The following FAIM2 variants were observed in gnomAD, a reference collection of about 807,000 sequenced individuals.
FAIM2 encodes Fas apoptotic inhibitory molecule 2.
In FAIM2, 27 loss-of-function variants were observed where a neutral mutation model predicts 47.4. That is an observed-to-expected ratio of 0.57 (90% CI 0.42 to 0.78). FAIM2 has a LOEUF of 0.78. FAIM2 is among the 30% of genes least tolerant of loss of function. The probability of loss-of-function intolerance (pLI) is 0.00; values close to 1 mark genes in which losing one functional copy is unlikely to be tolerated. For missense variants in FAIM2, 311 were observed against 389.4 expected (o/e 0.80, Z 1.69); for synonymous variants, 156 against 159.3 (o/e 0.98, Z 0.16).
chr12:49,874,970 TAC>T lies in FAIM2; in HGVS notation c.802-4319_802-4318del, dbSNP rs1041100538. 1.3e-5 allele frequency among the ~76,000 whole-genome samples: 2 copies of T among 152,148 alleles called. No individual in the cohort carries two copies. Among genetic ancestry groups the T allele is most frequent in the Non-Finnish European group, 2.9e-5 (2 of 68,014 alleles). ...TATATCGTATGATCCCATAAAACTA[TAC>T]ACGTCAGAGGAGCGCACATAGCAAA... On this transcript the variant is annotated intron_variant, in intron 11 of 11. Transcript: ENST00000320634. The surrounding 1 kb of genome is among the most constrained non-coding windows in gnomAD (Gnocchi z 4.2).
intron 11 of FAIM2, among the ~76,000 whole-genome samples, chr12:49,883,446 C>T (rs1946840141): frequency 6.6e-6 from 1 of 151,732 alleles, no homozygotes; most frequent in African/African-American, 2.4e-5. Context: ...AGGCATTTGT[C>T]CTGAGTGACA....
At chr12:49,880,264 G>A (rs942576322) in intron 11 of FAIM2, among the ~76,000 whole-genome samples, 7 of 151,654 alleles carry the variant, frequency 4.6e-5, no homozygotes, top group East Asian at 3.9e-4. Flanking sequence ...GTATATGTGC[G>A]TATGTGTATA....
At chr12:49,901,089 C>T (rs1157137695) in intron 2 of FAIM2, 41 bp downstream of exon 2, 2 of 1,481,876 alleles carry the variant, frequency 1.3e-6, no homozygotes, top group African/African-American at 1.4e-5. Flanking sequence ...GGTCCACCCC[C>T]ACCCCATGAT....
intron 9 of FAIM2, 65 bp from the exon 10 acceptor site, chr12:49,889,267 C>G: frequency 4.8e-6 from 6 of 1,261,872 alleles, no homozygotes; most frequent in Non-Finnish European, 4.6e-6. Flanking sequence ...CAACTACAGG[C>G]TGAGCCCATA....
At chr12:49,870,782 A>T in intron 11 of FAIM2, 129 bp from the exon 12 acceptor site, 1 of 813,082 alleles carries the variant, frequency 1.2e-6, no homozygotes, top group Non-Finnish European at 1.9e-6. Context: ...CTGACTACCC[A>T]GTGGCCCTCC....
In FAIM2 at chr12:49,889,512, A is replaced by T; in HGVS notation, c.620T>A (p.Leu207His). Residue 207 changes from leucine (L) to histidine (H), a missense_variant, in exon 9 of 12, where the codon CTC becomes CAC. Coordinates refer to ENST00000320634, the MANE Select transcript of FAIM2 (RefSeq NM_012306.4). ...CTGGAAGCTGAAGACGGTGACTGAG[A>T]GGCAGACAAGGGCCGTGATGCCCAG... ...LCLGITALVC[L>H]SVTVFSFQTK... The T allele has an allele frequency of 6.2e-7, 1 of 1,614,040 alleles. No individual in the cohort carries two copies. Among genetic ancestry groups the T allele is most frequent in the Non-Finnish European group, 8.5e-7 (1 of 1,179,982 alleles).
chr12:49,874,759 C>T lies in FAIM2; in HGVS notation c.802-4106G>A, dbSNP rs1057464745. Among the ~76,000 whole-genome samples, 1 of 152,216 alleles carries T rather than the reference C, an allele frequency of 6.6e-6. No individual in the cohort carries two copies. Among genetic ancestry groups the T allele is most frequent in the Non-Finnish European group, 1.5e-5 (1 of 68,044 alleles). On this transcript the variant is annotated intron_variant, in intron 11 of 11. Transcript: ENST00000320634. The surrounding 1 kb of genome is among the most constrained non-coding windows in gnomAD (Gnocchi z 4.2). ...GACTGTGTCTGTCCTGCATAAATGC[C>T]AGTGTGAGGGCGTGTGGAGGCAACC...
intron 11 of FAIM2, among the ~76,000 whole-genome samples, chr12:49,876,935 T>C (rs1038472065): frequency 3.9e-5 from 6 of 152,062 alleles, no homozygotes; most frequent in African/African-American, 1.4e-4. Flanking sequence ...CACAGAGCAG[T>C]CAGGTCATTT....
intron 11 of FAIM2, among the ~76,000 whole-genome samples, chr12:49,875,486 C>A (rs1213446015): frequency 1.3e-5 from 2 of 151,974 alleles, no homozygotes; most frequent in African/African-American, 4.8e-5. Context: ...CCATTTCTTG[C>A]CTGATACCAA....
intron 11 of FAIM2, among the ~76,000 whole-genome samples, chr12:49,881,354 A>T (rs836959): frequency 6.6e-6 from 1 of 152,170 alleles, no homozygotes; most frequent in South Asian, 2.1e-4. Flanking sequence ...GGAAGTGAAG[A>T]GGTCTATTCC....
At chr12:49,877,908 G>A (rs1253224915) in intron 11 of FAIM2, among the ~76,000 whole-genome samples, 1 of 151,862 alleles carries the variant, frequency 6.6e-6, no homozygotes, top group African/African-American at 2.4e-5. Context: ...GTGTGTATAT[G>A]TGTCCATGTG....
At chr12:49,885,709 A>T (rs930699868) in intron 11 of FAIM2, among the ~76,000 whole-genome samples, 4 of 152,130 alleles carry the variant, frequency 2.6e-5, no homozygotes, top group Non-Finnish European at 5.9e-5. Flanking sequence ...GAAACCATGG[A>T]CAAATCATTC....
chr12:49,897,764 A>ACC (rs11378140), intron 3 of FAIM2, among the ~76,000 whole-genome samples, 181 bp from the exon 4 acceptor site: 1,969 of 149,944 alleles, frequency 0.013, 18 homozygotes, highest in South Asian at 0.021. Flanking sequence ...AGCCAAGCGC[A>ACC]CCCCCCCCCA....
chr12:49,896,928 G>T, intron 5 of FAIM2, 103 bp downstream of exon 5: 1 of 934,652 alleles, frequency 1.1e-6, no homozygotes, highest in Non-Finnish European at 1.8e-6. Flanking sequence ...TGTGGGGCTG[G>T]GGGAAGCTAC....
At chr12:49,872,794 G>A (rs529368300) in intron 11 of FAIM2, among the ~76,000 whole-genome samples, 8 of 152,264 alleles carry the variant, frequency 5.3e-5, no homozygotes, top group Non-Finnish European at 8.8e-5. Context: ...AATCTCTCTA[G>A]GCCTGTGAGT....
rs1946669801 is a variant in FAIM2, at chr12:49,867,272, T to G, written c.*3232A>C. 1 of 152,254 alleles carries G rather than the reference T, an allele frequency of 6.6e-6. No individual in the cohort carries two copies. Among genetic ancestry groups the G allele is most frequent in the Admixed American group, 6.5e-5 (1 of 15,284 alleles). 9.4% of individuals were successfully genotyped at this position (152,254 alleles called of 1,614,324 possible). On this transcript the variant is annotated 3_prime_UTR_variant, in exon 12 of 12. Transcript: ENST00000320634. ...TCGGTGACTCTCCCAAACCAGGCCC[T>G]GCGTTTCCTCAAGCAGCCACTGGAG...
chr12:49,895,525 T>A (rs1470897747), intron 5 of FAIM2, among the ~76,000 whole-genome samples: 5 of 152,206 alleles, frequency 3.3e-5, no homozygotes, highest in Non-Finnish European at 7.4e-5. Context: ...CCAGAAGCCA[T>A]GCCAACCTGC....
intron 2 of FAIM2, chr12:49,900,277 G>T: frequency 2.5e-6 from 3 of 1,203,096 alleles, no homozygotes; most frequent in Non-Finnish European, 3.2e-6. Flanking sequence ...TCTGTCTGGG[G>T]CATTGTCTCT....
chr12:49,872,509 CCTT>C (rs1946710081), intron 11 of FAIM2, among the ~76,000 whole-genome samples: 1 of 152,222 alleles, frequency 6.6e-6, no homozygotes, highest in Admixed American at 6.5e-5. Flanking sequence ...GCCATGGACT[CCTT>C]GTCTCCCAAG....
Sources: gnomAD v4.1 joint callset for allele counts (sites outside exome capture counted in the v4.1 genomes callset) on GRCh38, gnomAD v4.1.1 for gene constraint, Gnocchi (gnomAD v3.1) non-coding constraint, MANE v1.5 for transcripts, NCBI Gene and HGNC (gene_info 2026-07-23, HGNC 2026-07-21) for gene names.